Variants in PTGR2 observed in about 807,000 individuals in gnomAD.
PTGR2 encodes prostaglandin reductase 2, also known as 15-oxoprostaglandin 13-reductase.
Under a neutral mutation model 43.4 loss-of-function variants are expected in PTGR2, and 32 were observed. That is an observed-to-expected ratio of 0.74 (90% CI 0.56 to 0.99). The LOEUF (loss-of-function observed/expected upper bound fraction) is 0.99. Ranked by LOEUF, PTGR2 falls within the 50% of genes least tolerant of loss-of-function variation. PTGR2 has a pLI of 0.00. For missense variants in PTGR2, 373 were observed against 420.0 expected (o/e 0.89, Z 0.98); for synonymous variants, 106 against 139.2 (o/e 0.76, Z 1.68).
chr14:73,875,283 C>A (rs2054832721), intron 4 of PTGR2, among the ~76,000 whole-genome samples: 1 of 152,182 alleles, frequency 6.6e-6, no homozygotes, highest in Non-Finnish European at 1.5e-5. Flanking sequence ...CAGGTGTGAA[C>A]CACTGTGCCC....
chr14:73,859,192 T>A (rs1231100024), intron 2 of PTGR2, among the ~76,000 whole-genome samples: 1 of 152,168 alleles, frequency 6.6e-6, no homozygotes, highest in Admixed American at 6.5e-5. Context: ...CAAATATATG[T>A]GGCTTTTGTT....
At chr14:73,880,421 A>G (rs971305448) in intron 7 of PTGR2, among the ~76,000 whole-genome samples, 5 of 151,810 alleles carry the variant, frequency 3.3e-5, no homozygotes, top group African/African-American at 4.8e-5. Flanking sequence ...AAAAATACAA[A>G]AAAATTAGCC....
intron 3 of PTGR2, among the ~76,000 whole-genome samples, chr14:73,866,611 A>G (rs1375495874): frequency 6.6e-6 from 1 of 152,086 alleles, no homozygotes; most frequent in Non-Finnish European, 1.5e-5. Context: ...GGTTCATTTT[A>G]TGTGTCCACT....
At chr14:73,868,238 G>A (rs1029012180) in intron 3 of PTGR2, among the ~76,000 whole-genome samples, 1 of 151,840 alleles carries the variant, frequency 6.6e-6, no homozygotes, top group Non-Finnish European at 1.5e-5. Flanking sequence ...GCAGTGAGCC[G>A]AGATCACGCC....
At chr14:73,875,689 G>C (rs1037626675) in intron 4 of PTGR2, among the ~76,000 whole-genome samples, 8 of 150,662 alleles carry the variant, frequency 5.3e-5, no homozygotes, top group South Asian at 4.2e-4. Flanking sequence ...ATTGCTCAGA[G>C]ACTTAAAGAT....
At position 73,864,832 on chromosome 14, in the gene PTGR2, G is replaced by A. The variant is rs374894879; in HGVS notation, c.156+4175G>A. On this transcript the variant is annotated intron_variant, in intron 3 of 9. Coordinates refer to ENST00000555661, the MANE Select transcript of PTGR2 (RefSeq NM_001146154.2). ...ATTTATCTCTTTTTTTGTTTGTCAC[G>A]TATACTTTCAATACTTTCAGACTCA... Among the ~76,000 whole-genome samples the A allele has an allele frequency of 2.4e-4, 37 of 152,094 alleles. 1 individual carries two copies. The East Asian group carries it at 2.5e-3, about 10-fold the overall frequency.
rs1449038596 is a variant in PTGR2 at position 73,883,975 on chromosome 14, C to T, written c.980-126C>T. On this transcript the variant is annotated intron_variant, in intron 9 of 9. Transcript: ENST00000555661. ...TGAGATTTCTTTTCATGACCATTTTCTTCTATGCTTAATATTCAAAATCAT... is the reference window on the plus strand; with the variant it reads ...TGAGATTTCTTTTCATGACCATTTTTTTCTATGCTTAATATTCAAAATCAT... 10 of 646,470 alleles carry T rather than the reference C, an allele frequency of 1.5e-5. No homozygotes were observed. The East Asian group carries it at 2.1e-4, about 13-fold the overall frequency. The allele number at this position is 646,470 out of a possible 1,614,324, so 40.0% of individuals were successfully genotyped here. A position where few individuals can be genotyped will look rare whatever the true frequency, so the allele number is the denominator to read the frequency against.
rs1213963564 is a variant in PTGR2, at chr14:73,857,664, G to GTTTTTTTT, written c.-47-1137_-47-1130dup. Among the ~76,000 whole-genome samples, 344 of 64,706 alleles carry GTTTTTTTT rather than the reference G, an allele frequency of 5.3e-3. 69 individuals are homozygous for GTTTTTTTT. Among genetic ancestry groups the GTTTTTTTT allele is most frequent in the African/African-American group, 0.014 (229 of 16,062 alleles). The allele number at this position is 64,706 out of a possible 152,430, so 42.4% of individuals were successfully genotyped here. Reference sequence around the variant, plus strand: ...ATTACATGTCAATTAAGCAGTTAGTGTTTTTTTTTTTTTTTTTTTTTTGAG... The same window carrying GTTTTTTTT: ...ATTACATGTCAATTAAGCAGTTAGTGTTTTTTTTTTTTTTTTTTTTTTTTTTTTTTGAG... On this transcript the variant is annotated intron_variant, in intron 1 of 9. Transcript: ENST00000555661.
At chr14:73,855,198 C>T (rs556339143) in intron 1 of PTGR2, among the ~76,000 whole-genome samples, 13 of 152,194 alleles carry the variant, frequency 8.5e-5, no homozygotes, top group East Asian at 1.9e-4. Context: ...CATCCTGAAA[C>T]GTCAGGAAAT....
rs766810794 is a variant in PTGR2 at position 73,876,483 on chromosome 14, C to CTTTTTTTTTTTTTTTTTT, written c.349-499_349-498insTTTTTTTTTTTTTTTTTT. ...TCTTCTTCTTCTAAGGACATAAGTC[C>CTTTTTTTTTTTTTTTTTT]TTTTTTTTTTTTTTTTGAGATGAAG... On this transcript the variant is annotated intron_variant, in intron 4 of 9. Coordinates refer to ENST00000555661, the MANE Select transcript of PTGR2 (RefSeq NM_001146154.2). Among the ~76,000 whole-genome samples the CTTTTTTTTTTTTTTTTTT allele has an allele frequency of 5.5e-5, 6 of 108,564 alleles. 1 individual carries two copies. In the South Asian group the frequency reaches 1.2e-3, roughly 22 times the overall value. The allele number at this position is 108,564 out of a possible 152,430, so 71.2% of individuals were successfully genotyped here.
chr14:73,865,129 T>C lies in PTGR2; in HGVS notation c.156+4472T>C, dbSNP rs116666140. On this transcript the variant is annotated intron_variant, in intron 3 of 9. Coordinates refer to ENST00000555661, the MANE Select transcript of PTGR2 (RefSeq NM_001146154.2). Reference sequence around the variant, plus strand: ...AATTGGCTCACAAGATTATGGAAGCTGAGAGTTCCCATGATAGGCTGTCTA... The same window carrying C: ...AATTGGCTCACAAGATTATGGAAGCCGAGAGTTCCCATGATAGGCTGTCTA... Among the ~76,000 whole-genome samples the C allele has an allele frequency of 3.6e-3, 551 of 152,192 alleles. 4 individuals carry two copies. The highest frequency in any genetic ancestry group is 0.013 in the African/African-American group (539 of 41,534).
chr14:73,862,487 G>A (rs1263456945), intron 3 of PTGR2, among the ~76,000 whole-genome samples: 2 of 152,070 alleles, frequency 1.3e-5, no homozygotes, highest in African/African-American at 4.8e-5. Flanking sequence ...GATTACAGGC[G>A]TGAGCCACTG....
At chr14:73,859,415 G>C (rs911675546) in intron 2 of PTGR2, among the ~76,000 whole-genome samples, 12 of 152,098 alleles carry the variant, frequency 7.9e-5, no homozygotes, top group African/African-American at 1.9e-4. Flanking sequence ...AGATCTTTAT[G>C]TACTATTCCC....
chr14:73,857,664 G>GGTTTTTTTT (rs2054383003), intron 1 of PTGR2, among the ~76,000 whole-genome samples: 2 of 64,694 alleles, frequency 3.1e-5, no homozygotes, highest in African/African-American at 6.2e-5. Flanking sequence ...AGCAGTTAGT[G>GGTTTTTTTT]TTTTTTTTTT....
chr14:73,856,590 T>TG (rs536876404), intron 1 of PTGR2, among the ~76,000 whole-genome samples: 452 of 152,284 alleles, frequency 3.0e-3, no homozygotes, highest in Non-Finnish European at 4.7e-3. Context: ...ACTGTACTTT[T>TG]TCTATGTTTA....
intron 2 of PTGR2, among the ~76,000 whole-genome samples, 191 bp from the exon 3 acceptor site, chr14:73,860,348 T>G (rs1221571939): frequency 1.3e-5 from 2 of 151,726 alleles, no homozygotes; most frequent in Admixed American, 6.6e-5. Context: ...ATGCCTGTAA[T>G]CCCAGCTACT....
intron 1 of PTGR2, among the ~76,000 whole-genome samples, chr14:73,856,730 G>A (rs1338192530): frequency 1.3e-5 from 2 of 152,324 alleles, no homozygotes; most frequent in Non-Finnish European, 2.9e-5. Flanking sequence ...TCTGTACCAT[G>A]TAGGTTTGTG....
chr14:73,872,960 G>A (rs1050915393), intron 3 of PTGR2, among the ~76,000 whole-genome samples: 1 of 147,840 alleles, frequency 6.8e-6, no homozygotes, highest in African/African-American at 2.5e-5. Context: ...CTGGGTGACA[G>A]AGACTCCATC....
At chr14:73,856,602 A>G (rs1176161810) in intron 1 of PTGR2, among the ~76,000 whole-genome samples, 2 of 152,136 alleles carry the variant, frequency 1.3e-5, no homozygotes, top group Non-Finnish European at 2.9e-5. Flanking sequence ...CTATGTTTAG[A>G]TACACAAATA....
Sources: allele counts gnomAD v4.1 joint callset (sites outside exome capture counted in the v4.1 genomes callset), GRCh38; gene constraint gnomAD v4.1.1; transcripts MANE v1.5; gene names NCBI Gene and HGNC (gene_info 2026-07-23, HGNC 2026-07-21).